The following SYNE1 variants were observed in gnomAD, a reference collection of about 807,000 sequenced individuals.
The protein encoded by SYNE1 is nesprin-1.
SYNE1 carries 616 observed loss-of-function variants against 1,111.0 expected under a neutral mutation model. The observed-to-expected ratio is 0.55, with a 90% CI of 0.52 to 0.59. SYNE1 has a LOEUF of 0.59. Ranked by LOEUF, SYNE1 falls within the 20% of genes least tolerant of loss-of-function variation. The probability of loss-of-function intolerance (pLI) is 0.00; values close to 1 mark genes in which losing one functional copy is unlikely to be tolerated. For missense variants in SYNE1, 10,006 were observed against 10,417.0 expected (o/e 0.96, Z 1.72); for synonymous variants, 3,855 against 3,825.8 (o/e 1.01, Z -0.28).
intron 116 of SYNE1, among the ~76,000 whole-genome samples, chr6:152,224,986 TA>T (rs2081196314): frequency 6.8e-6 from 1 of 148,078 alleles, no homozygotes; most frequent in Non-Finnish European, 1.5e-5. Flanking sequence ...TATGTATATA[TA>T]TTTTTAAGTT....
chr6:152,239,644 G>A lies in SYNE1; in HGVS notation c.19956C>T (p.Ile6652=). Residue 6652 remains isoleucine (I), a synonymous_variant, in exon 108 of 146, where the codon ATC becomes ATT. Coordinates refer to ENST00000367255, the MANE Select transcript of SYNE1 (RefSeq NM_182961.4). ...GGGTTTCCTTTTGGACTGCAAAGCT[G>A]ATTATCTTTCTGAAGAGTGTTTCAG... is the stretch of plus-strand genomic sequence containing the variant. ...ILTETLFRKI[I]SFAVQKETQF... is the part of the protein sequence containing the mutation. 6.2e-7 allele frequency: 1 copy of A among 1,614,184 alleles called. No homozygotes were observed. Among genetic ancestry groups the A allele is most frequent in the East Asian group, 2.2e-5 (1 of 44,886 alleles).
intron 32 of SYNE1, among the ~76,000 whole-genome samples, chr6:152,437,343 T>C (rs2098483017): frequency 6.6e-6 from 1 of 152,214 alleles, no homozygotes. Flanking sequence ...TGTTTGACTT[T>C]GGTGAATTAT....
rs574379975 is a variant in SYNE1 at position 152,273,261 on chromosome 6, C to T, written c.18574-3975G>A. ...GTGTGTACATGCTCAGTCCAGCCCG[C>T]TAAGTCTCAAGCCTGGCCTTTCAGC... On this transcript the variant is annotated intron_variant, in intron 98 of 145. Coordinates refer to ENST00000367255, the MANE Select transcript of SYNE1 (RefSeq NM_182961.4). 2.0e-5 allele frequency among the ~76,000 whole-genome samples: 3 copies of T among 152,326 alleles called. No individual in the cohort carries two copies. In the East Asian group the frequency reaches 5.8e-4, roughly 29 times the overall value.
intron 97 of SYNE1, among the ~76,000 whole-genome samples, chr6:152,280,262 TGTA>T (rs1464981181): frequency 7.9e-5 from 12 of 152,340 alleles, no homozygotes; most frequent in East Asian, 1.9e-4. Flanking sequence ...ATTAATTTAA[TGTA>T]GTAATTTAAT....
In SYNE1 at chr6:152,209,292, T is replaced by C. The variant is rs1004897386; in HGVS notation, c.22590-1086A>G. On this transcript the variant is annotated intron_variant, in intron 124 of 145. Transcript: ENST00000367255. ...TATCCAGAACCACTATAAACTTTGA[T>C]TTTGTAACCAAATATGCTGTTAGTC... 1.1e-4 allele frequency among the ~76,000 whole-genome samples: 17 copies of C among 152,216 alleles called. 2 individuals carry two copies. The highest frequency in any genetic ancestry group is 1.0e-3 in the Admixed American group (16 of 15,282).
intron 4 of SYNE1, among the ~76,000 whole-genome samples, chr6:152,528,592 T>C (rs1444346573): frequency 6.6e-6 from 1 of 152,174 alleles, no homozygotes; most frequent in Non-Finnish European, 1.5e-5. Context: ...TGATAAGACT[T>C]GGGTCATAGT....
intron 3 of SYNE1, among the ~76,000 whole-genome samples, chr6:152,570,407 A>C (rs2099445168): frequency 6.6e-6 from 1 of 152,222 alleles, no homozygotes; most frequent in Non-Finnish European, 1.5e-5. Flanking sequence ...TCTCCTGTGA[A>C]CAGGATAGCC....
At chr6:152,168,293 A>G (rs2064185376) in intron 130 of SYNE1, 2 of 613,282 alleles carry the variant, frequency 3.3e-6, no homozygotes, top group African/African-American at 3.7e-5. Flanking sequence ...TGTGTATAGA[A>G]GTATGAAAAT....
rs548851738 is a variant in SYNE1, at chr6:152,336,581, A to T, written c.12528+260T>A. 25 of 522,678 alleles carry T rather than the reference A, an allele frequency of 4.8e-5. No homozygotes were observed. In the East Asian group the frequency reaches 9.3e-4, roughly 19 times the overall value. 32.4% of individuals were successfully genotyped at this position (522,678 alleles called of 1,614,324 possible). ...GGGTTTGCACTCCTATGAGAATCTGATGTGGCCTCTGATCTGACAGGAGGT... is the reference window on the plus strand; with the variant it reads ...GGGTTTGCACTCCTATGAGAATCTGTTGTGGCCTCTGATCTGACAGGAGGT... On this transcript the variant is annotated intron_variant, in intron 76 of 145. Transcript: ENST00000367255.
intron 14 of SYNE1, chr6:152,478,372 A>G (rs976332876): frequency 2.6e-5 from 4 of 152,230 alleles, no homozygotes; most frequent in Admixed American, 2.0e-4. Context: ...ATGGCAGCAT[A>G]TTTGTATGTG....
rs140567583 is a variant in SYNE1, at chr6:152,256,723, A to C, written c.19015T>G (p.Tyr6339Asp). The change falls in exon 102 of 146, where the codon TAC (tyrosine) becomes GAC (aspartate). Residue 6339 changes from tyrosine (Y) to aspartate (D), a missense_variant. Coordinates refer to ENST00000367255, the MANE Select transcript of SYNE1 (RefSeq NM_182961.4). ...TCTTGGGTTGGCACGTCCCCTTTGT[A>C]CAGTGGCACACCAGACAAGAGTCGA... ...PNRLLSGVPL[Y>D]KGDVPTQDKS... The C allele has an allele frequency of 7.7e-5, 124 of 1,613,924 alleles. No homozygotes were observed. The highest frequency in any genetic ancestry group is 1.0e-4 in the Non-Finnish European group (118 of 1,179,932).
chr6:152,419,367 C>A (rs2098217823), intron 40 of SYNE1, among the ~76,000 whole-genome samples: 1 of 152,144 alleles, frequency 6.6e-6, no homozygotes, highest in South Asian at 2.1e-4. Context: ...CCAATTTTAT[C>A]TGAAGTGGCT....
intron 11 of SYNE1, among the ~76,000 whole-genome samples, chr6:152,489,528 C>T (rs1339351206): frequency 2.2e-5 from 3 of 139,052 alleles, no homozygotes; most frequent in Admixed American, 7.5e-5. Flanking sequence ...TGTGTTAAAT[C>T]ATCACGGACC....
At chr6:152,128,659 C>T (rs778120501) in intron 145 of SYNE1, 28 of 152,246 alleles carry the variant, frequency 1.8e-4, no homozygotes, top group African/African-American at 6.0e-4. Flanking sequence ...AGGAAGAATG[C>T]GTATCTAAAA....
intron 3 of SYNE1, among the ~76,000 whole-genome samples, chr6:152,568,186 A>T (rs1425033250): frequency 6.6e-6 from 1 of 152,154 alleles, no homozygotes; most frequent in African/African-American, 2.4e-5. Flanking sequence ...TCATTGCATA[A>T]AAATCAAAAA....
chr6:152,459,142 C>T (rs979802466), intron 21 of SYNE1, among the ~76,000 whole-genome samples: 1 of 152,060 alleles, frequency 6.6e-6, no homozygotes, highest in Non-Finnish European at 1.5e-5. Context: ...AAATAAATGG[C>T]TACTGAGTTT....
chr6:152,313,350 G>C (rs1211673954), intron 87 of SYNE1, among the ~76,000 whole-genome samples: 1 of 152,018 alleles, frequency 6.6e-6, no homozygotes, highest in Non-Finnish European at 1.5e-5. Context: ...CCTGACGTGG[G>C]AATGCTACCC....
chr6:152,336,703 C>T (rs775511283), intron 76 of SYNE1, 138 bp downstream of exon 76: 75 of 1,151,832 alleles, frequency 6.5e-5, no homozygotes, highest in Non-Finnish European at 9.5e-5. Context: ...GGCTTGGGGA[C>T]CTCTGCCTTA....
chr6:152,169,012 C>A (rs893627675), intron 130 of SYNE1, among the ~76,000 whole-genome samples: 1 of 152,014 alleles, frequency 6.6e-6, no homozygotes, highest in African/African-American at 2.4e-5. Flanking sequence ...ATAATTTATA[C>A]TTTTAAAGAA....
Sources: allele counts gnomAD v4.1 joint callset (sites outside exome capture counted in the v4.1 genomes callset), GRCh38; gene constraint gnomAD v4.1.1; transcripts MANE v1.5; gene names NCBI Gene and HGNC (gene_info 2026-07-23, HGNC 2026-07-21).